Variants in TMEM232 observed in about 807,000 individuals in gnomAD.
The protein encoded by TMEM232 is transmembrane protein 232.
Under a neutral mutation model 78.8 loss-of-function variants are expected in TMEM232, and 80 were observed. That is an observed-to-expected ratio of 1.01 (90% CI 0.85 to 1.22). TMEM232 has a LOEUF of 1.22. TMEM232 is among the 50% of genes most tolerant of loss of function. The pLI is 0.00. For missense variants in TMEM232, 881 were observed against 742.2 expected (o/e 1.19, Z -2.17); for synonymous variants, 297 against 254.3 (o/e 1.17, Z -1.60).
chr5:110,689,489 G>C (rs1793827998), intron 1 of TMEM232, among the ~76,000 whole-genome samples: 1 of 152,012 alleles, frequency 6.6e-6, no homozygotes, highest in African/African-American at 2.4e-5. Flanking sequence ...CATTTAAAGT[G>C]TTTACAGGTG....
intron 1 of TMEM232, among the ~76,000 whole-genome samples, chr5:110,678,184 C>T (rs189141115): frequency 6.6e-6 from 1 of 152,266 alleles, no homozygotes; most frequent in African/African-American, 2.4e-5. Context: ...CCTGCCTGAG[C>T]TACCTGAGTA....
chr5:110,660,997 C>T (rs1455311459), intron 2 of TMEM232, among the ~76,000 whole-genome samples: 1 of 152,156 alleles, frequency 6.6e-6, no homozygotes, highest in Non-Finnish European at 1.5e-5. Context: ...ACTTCTTCAC[C>T]CTTCCCAGCT....
chr5:110,444,509 C>T (rs1044536293), intron 12 of TMEM232, among the ~76,000 whole-genome samples: 2 of 152,148 alleles, frequency 1.3e-5, no homozygotes, highest in African/African-American at 4.8e-5. Context: ...CTTTCAGTGA[C>T]AGGAATTTAA....
intron 12 of TMEM232, among the ~76,000 whole-genome samples, chr5:110,441,908 GT>G (rs374396085): frequency 7.3e-5 from 11 of 149,832 alleles, no homozygotes; most frequent in East Asian, 2.0e-4. Flanking sequence ...GTTATTATTA[GT>G]TTTTTTTTTC....
intron 1 of TMEM232, among the ~76,000 whole-genome samples, chr5:110,699,932 G>A (rs1795235287): frequency 6.6e-6 from 1 of 152,050 alleles, no homozygotes; most frequent in Non-Finnish European, 1.5e-5. Context: ...TCCTGTAGGT[G>A]TCACTAAGAA....
chr5:110,663,741 GTGTA>G (rs1426565373), intron 2 of TMEM232, among the ~76,000 whole-genome samples: 55 of 126,800 alleles, frequency 4.3e-4, no homozygotes, highest in African/African-American at 1.7e-3. Context: ...GTGTGTGTGT[GTGTA>G]TGTGTGTGTG....
chr5:110,716,514 C>G (rs1178085664), intron 1 of TMEM232, among the ~76,000 whole-genome samples: 1 of 152,130 alleles, frequency 6.6e-6, no homozygotes, highest in Non-Finnish European at 1.5e-5. Context: ...AGCTCACAAC[C>G]AAGATCTCTT....
chr5:110,466,359 A>T (rs1464824609), intron 12 of TMEM232, among the ~76,000 whole-genome samples: 3 of 152,168 alleles, frequency 2.0e-5, no homozygotes, highest in African/African-American at 2.4e-5. Flanking sequence ...GGAGGAAATT[A>T]TTTTTTTAAA....
intron 2 of TMEM232, among the ~76,000 whole-genome samples, chr5:110,649,937 T>C (rs1788065005): frequency 6.6e-6 from 1 of 152,162 alleles, no homozygotes; most frequent in African/African-American, 2.4e-5. Context: ...TAGTTTATTA[T>C]GCCTTAATTT....
chr5:110,612,781 T>C (rs1782471077), intron 8 of TMEM232, among the ~76,000 whole-genome samples: 1 of 152,198 alleles, frequency 6.6e-6, no homozygotes, highest in Non-Finnish European at 1.5e-5. Flanking sequence ...TGAAATGCCA[T>C]ACTGCCTTTC....
intron 10 of TMEM232, among the ~76,000 whole-genome samples, chr5:110,598,367 G>T (rs1299958150): frequency 1.3e-5 from 2 of 152,172 alleles, no homozygotes; most frequent in Non-Finnish European, 1.5e-5. Context: ...AACAACAGGT[G>T]CTGGAGAGGC....
At chr5:110,447,493 C>A (rs965940972) in intron 12 of TMEM232, among the ~76,000 whole-genome samples, 3 of 152,102 alleles carry the variant, frequency 2.0e-5, no homozygotes, top group African/African-American at 7.2e-5. Flanking sequence ...ATATAGAGAT[C>A]TTTTCAATAC....
At chr5:110,717,360 C>T (rs1797121482) in intron 1 of TMEM232, among the ~76,000 whole-genome samples, 1 of 152,112 alleles carries the variant, frequency 6.6e-6, no homozygotes, top group South Asian at 2.1e-4. Context: ...GCCATTTACT[C>T]TGTTGCTAAT....
intron 12 of TMEM232, among the ~76,000 whole-genome samples, chr5:110,473,499 T>C (rs946819689): frequency 6.6e-6 from 1 of 151,840 alleles, no homozygotes; most frequent in South Asian, 2.1e-4. Flanking sequence ...ATTCGTACAG[T>C]CATTATGTTA....
intron 1 of TMEM232, among the ~76,000 whole-genome samples, chr5:110,669,383 A>G (rs1392771465): frequency 6.6e-6 from 1 of 152,236 alleles, no homozygotes; most frequent in Admixed American, 6.5e-5. Context: ...AATCTAGAAG[A>G]AATAGATAAA....
At chr5:110,688,016 C>G (rs968874531) in intron 1 of TMEM232, among the ~76,000 whole-genome samples, 1 of 152,044 alleles carries the variant, frequency 6.6e-6, no homozygotes, top group Non-Finnish European at 1.5e-5. Context: ...ATTGATGTCT[C>G]TTAAGTATGA....
intron 1 of TMEM232, chr5:110,684,911 G>A (rs115475909): frequency 1.2e-3 from 181 of 152,114 alleles, no homozygotes; most frequent in African/African-American, 4.2e-3. Flanking sequence ...ACAGCTGCTT[G>A]TAAGCACCAG....
At chr5:110,634,974 A>G (rs1785605695) in intron 5 of TMEM232, among the ~76,000 whole-genome samples, 1 of 152,020 alleles carries the variant, frequency 6.6e-6, no homozygotes, top group South Asian at 2.1e-4. Flanking sequence ...AGATAAGGCC[A>G]CTCAAACATA....
chr5:110,702,322 C>T (rs1795512876), intron 1 of TMEM232, among the ~76,000 whole-genome samples: 2 of 151,998 alleles, frequency 1.3e-5, no homozygotes, highest in South Asian at 4.1e-4. Context: ...AATCTATTGG[C>T]TATGATAGTC....
Sources: gnomAD v4.1 joint callset for allele counts (sites outside exome capture counted in the v4.1 genomes callset) on GRCh38, gnomAD v4.1.1 for gene constraint, MANE v1.5 for transcripts, NCBI Gene and HGNC (gene_info 2026-07-23, HGNC 2026-07-21) for gene names.